TMC1: variants seen among roughly 807,000 people sequenced by gnomAD.
The protein encoded by TMC1 is transmembrane channel-like protein 1.
In TMC1, 84 loss-of-function variants were observed where a neutral mutation model predicts 105.8. That is an observed-to-expected ratio of 0.79 (90% CI 0.67 to 0.95). The LOEUF (loss-of-function observed/expected upper bound fraction) is 0.95. Among genes scored for constraint, TMC1 ranks in the 40% least tolerant of loss-of-function variants. The pLI is 0.00. For missense variants in TMC1, 817 were observed against 914.1 expected, an observed-to-expected ratio of 0.89 and a Z score of 1.37; for synonymous variants, 315 against 311.5, an observed-to-expected ratio of 1.01 and a Z score of -0.12.
chr9:72,733,166 A>ATATC (rs10638707), intron 8 of TMC1, among the ~76,000 whole-genome samples: 33,955 of 151,320 alleles, frequency 0.22, 4,042 homozygotes, highest in East Asian at 0.38. Context: ...ACACAGTTGG[A>ATATC]TATCTACAGA....
intron 3 of TMC1, among the ~76,000 whole-genome samples, chr9:72,623,147 GTTTT>G (rs1162181237): frequency 1.8e-5 from 2 of 113,678 alleles, no homozygotes; most frequent in Non-Finnish European, 3.4e-5. Context: ...CTCTCTCCCT[GTTTT>G]TTTTTTTTTT....
intron 2 of TMC1, among the ~76,000 whole-genome samples, chr9:72,592,634 T>C (rs1824656966): frequency 6.6e-6 from 1 of 152,182 alleles, no homozygotes; most frequent in Non-Finnish European, 1.5e-5. Context: ...ATCAAAGCCA[T>C]GGTTATGTAT....
Position 72,837,373 on chromosome 9 carries a change from C to CCACCTGACCATCACCAAATGGT in TMC1, c.*1409_*1430dup, listed in dbSNP as rs1442686467. ...TTATTTTAGAGAGATAGTTTAACCA[C>CCACCTGACCATCACCAAATGGT]CACCTGACCATCACCAAATGGTCAC... On this transcript the variant is annotated 3_prime_UTR_variant, in exon 24 of 24. Transcript: ENST00000297784. 6.6e-6 allele frequency: 1 copy of CCACCTGACCATCACCAAATGGT among 152,204 alleles called. No individual in the cohort carries two copies. The highest frequency in any genetic ancestry group is 2.4e-5 in the African/African-American group (1 of 41,440). 9.4% of individuals were successfully genotyped at this position (152,204 alleles called of 1,614,324 possible). A position where few individuals can be genotyped will look rare whatever the true frequency, so the allele number is the denominator to read the frequency against.
chr9:72,538,273 A>G (rs1823617262), intron 1 of TMC1, among the ~76,000 whole-genome samples: 1 of 152,156 alleles, frequency 6.6e-6, no homozygotes, highest in African/African-American at 2.4e-5. Context: ...AAAAGGTGTC[A>G]GACTCTCTGG....
intron 12 of TMC1, among the ~76,000 whole-genome samples, chr9:72,761,730 A>T (rs147872588): frequency 6.6e-6 from 1 of 152,330 alleles, no homozygotes; most frequent in Non-Finnish European, 1.5e-5. Flanking sequence ...AAAAGGAGAT[A>T]AGTTCTTTAA....
chr9:72,804,129 G>C (rs1269842910), intron 17 of TMC1, among the ~76,000 whole-genome samples: 1 of 152,072 alleles, frequency 6.6e-6, no homozygotes, highest in Non-Finnish European at 1.5e-5. Flanking sequence ...CACTAACACA[G>C]GAACAGAAAA....
At chr9:72,597,529 G>A (rs1041760342) in intron 2 of TMC1, among the ~76,000 whole-genome samples, 1 of 152,068 alleles carries the variant, frequency 6.6e-6, no homozygotes, top group Non-Finnish European at 1.5e-5. Context: ...TGTCAGCCCC[G>A]GGAAACGGCA....
chr9:72,771,649 C>G (rs112935431), intron 12 of TMC1, among the ~76,000 whole-genome samples: 2 of 152,208 alleles, frequency 1.3e-5, no homozygotes, highest in African/African-American at 4.8e-5. Context: ...TGTAGTGATA[C>G]AGTAACAGTG....
intron 1 of TMC1, among the ~76,000 whole-genome samples, chr9:72,566,874 G>T (rs185115756): frequency 6.6e-6 from 1 of 152,148 alleles, no homozygotes. Flanking sequence ...AGCACCAGGT[G>T]CCCAGTTGTT....
At chr9:72,570,690 TTTTTTTTTTTTTTTTTG>T in intron 1 of TMC1, among the ~76,000 whole-genome samples, 1 of 125,934 alleles carries the variant, frequency 7.9e-6, no homozygotes, top group Non-Finnish European at 1.7e-5. Flanking sequence ...TTTTTTTTTT[TTTTTTTTTTTTTTTTTG>T]AGACAGAGTC....
intron 8 of TMC1, among the ~76,000 whole-genome samples, chr9:72,729,736 A>C (rs2117978111): frequency 6.6e-6 from 1 of 152,340 alleles, no homozygotes; most frequent in African/African-American, 2.4e-5. Context: ...GGTCAAGGAC[A>C]ACACTTCTCT....
chr9:72,582,027 G>A (rs1824483989), intron 2 of TMC1, among the ~76,000 whole-genome samples: 1 of 152,082 alleles, frequency 6.6e-6, no homozygotes, highest in Non-Finnish European at 1.5e-5. Context: ...GCGCGATCTC[G>A]GCTCACCGCA....
intron 8 of TMC1, 165 bp downstream of exon 8, chr9:72,700,808 CTATA>C (rs903676644): frequency 1.2e-5 from 3 of 255,656 alleles, no homozygotes; most frequent in African/African-American, 7.1e-5. Context: ...ATATGTAATA[CTATA>C]TATATCATTT....
chr9:72,710,660 A>G (rs1826820011), intron 8 of TMC1, among the ~76,000 whole-genome samples: 1 of 151,474 alleles, frequency 6.6e-6, no homozygotes, highest in Non-Finnish European at 1.5e-5. Flanking sequence ...AAGAATAGCT[A>G]CTCCTGGTCA....
At position 72,710,940 on chromosome 9, in the gene TMC1, G is replaced by A. The variant is rs61577977; in HGVS notation, c.362+10297G>A. ...CTAATGCTGTCCCTCCCTTAGCTCC[G>A]CATCCCCAAACAGGCCACAGTGTGT... is the stretch of plus-strand genomic sequence containing the variant. On this transcript the variant is annotated intron_variant, in intron 8 of 23. Coordinates refer to ENST00000297784, the MANE Select transcript of TMC1 (RefSeq NM_138691.3). Among the ~76,000 whole-genome samples the A allele has an allele frequency of 2.3e-3, 353 of 152,096 alleles. 3 individuals carry two copies. The highest frequency in any genetic ancestry group is 7.9e-3 in the African/African-American group (327 of 41,518).
intron 17 of TMC1, among the ~76,000 whole-genome samples, chr9:72,793,231 C>G (rs1828306258): frequency 6.6e-6 from 1 of 152,114 alleles, no homozygotes; most frequent in Non-Finnish European, 1.5e-5. Context: ...AGGTTAGACC[C>G]CCAACCACAC....
chr9:72,793,657 G>A lies in TMC1; in HGVS notation c.1566+1305G>A, dbSNP rs1362296323. On this transcript the variant is annotated intron_variant, in intron 17 of 23. Coordinates refer to ENST00000297784, the MANE Select transcript of TMC1 (RefSeq NM_138691.3). ...CTGGGATGGAGCTTCCAGAGGTGGG[G>A]GCAGGCTGCCATCTTTGCTGTTTCA... Among the ~76,000 whole-genome samples, 3 of 152,160 alleles carry A rather than the reference G, an allele frequency of 2.0e-5. No homozygotes were observed. The East Asian group carries it at 5.8e-4, about 29-fold the overall frequency.
intron 2 of TMC1, among the ~76,000 whole-genome samples, chr9:72,603,857 T>G (rs1021888255): frequency 7.1e-6 from 1 of 141,366 alleles, no homozygotes; most frequent in Non-Finnish European, 1.5e-5. Context: ...TGTTTTTTTT[T>G]TTTTTTTTTT....
At position 72,561,852 on chromosome 9, in the gene TMC1, C is replaced by G. The variant is rs1824056200; in HGVS notation, c.-427-16050C>G. ...TTGGAGATGTTTCTTCTTCTAGGCCCCAAACCGGAGCGGGGTGCAGTGGCT... is the reference window on the plus strand; with the variant it reads ...TTGGAGATGTTTCTTCTTCTAGGCCGCAAACCGGAGCGGGGTGCAGTGGCT... On this transcript the variant is annotated intron_variant, in intron 1 of 23. Coordinates refer to ENST00000297784, the MANE Select transcript of TMC1 (RefSeq NM_138691.3). 2.6e-5 allele frequency among the ~76,000 whole-genome samples: 4 copies of G among 152,048 alleles called. No individual in the cohort carries two copies. In the South Asian group the frequency reaches 8.3e-4, roughly 31 times the overall value.
Sources: gnomAD v4.1 joint callset for allele counts (sites outside exome capture counted in the v4.1 genomes callset) on GRCh38, gnomAD v4.1.1 for gene constraint, MANE v1.5 for transcripts, NCBI Gene and HGNC (gene_info 2026-07-23, HGNC 2026-07-21) for gene names.